The following PACRG variants were observed in gnomAD, a reference collection of about 807,000 sequenced individuals.
PACRG encodes the protein parkin coregulated gene protein.
PACRG carries 29 observed loss-of-function variants against 29.7 expected under a neutral mutation model. That is an observed-to-expected ratio of 0.98 (90% CI 0.73 to 1.33). The LOEUF is 1.33. PACRG is among the 40% of genes most tolerant of loss of function. The probability of loss-of-function intolerance (pLI) is 0.00; values close to 1 mark genes in which losing one functional copy is unlikely to be tolerated. For synonymous variants in PACRG, 116 were observed against 118.7 expected, an observed-to-expected ratio of 0.98 and a Z score of 0.15; for missense variants, 279 against 316.2, an observed-to-expected ratio of 0.88 and a Z score of 0.89.
intron 4 of PACRG, among the ~76,000 whole-genome samples, chr6:163,126,869 C>T (rs1416520341): frequency 1.2e-4 from 19 of 152,200 alleles, no homozygotes; most frequent in Non-Finnish European, 1.8e-4. Flanking sequence ...GGTGTTGACC[C>T]GAAGGGGAGT....
At chr6:162,995,479 A>G (rs1323126640) in intron 2 of PACRG, among the ~76,000 whole-genome samples, 1 of 152,162 alleles carries the variant, frequency 6.6e-6, no homozygotes, top group African/African-American at 2.4e-5. Context: ...AAAGCGCAGT[A>G]TTCGGGTGGG....
At chr6:162,942,354 A>T (rs970467661) in intron 2 of PACRG, among the ~76,000 whole-genome samples, 5 of 152,154 alleles carry the variant, frequency 3.3e-5, no homozygotes, top group Admixed American at 3.3e-4. Context: ...CAAATAACAA[A>T]GTTTATTAGA....
intron 4 of PACRG, among the ~76,000 whole-genome samples, chr6:163,154,722 A>G (rs529738553): frequency 2.6e-5 from 4 of 152,346 alleles, no homozygotes; most frequent in African/African-American, 9.6e-5. Flanking sequence ...TATTTAAGAC[A>G]TGCTTATACT....
At chr6:162,774,194 G>A (rs1000005591) in intron 1 of PACRG, among the ~76,000 whole-genome samples, 4 of 152,102 alleles carry the variant, frequency 2.6e-5, no homozygotes, top group African/African-American at 4.8e-5. Context: ...TGCCAGATGG[G>A]CCCACCCCAC....
intron 4 of PACRG, among the ~76,000 whole-genome samples, chr6:163,094,068 T>A (rs1814352805): frequency 6.6e-6 from 1 of 152,218 alleles, no homozygotes; most frequent in South Asian, 2.1e-4. Flanking sequence ...TAACCCTCCT[T>A]GATATTCGTG....
chr6:162,874,526 A>G (rs1003040615), intron 2 of PACRG, among the ~76,000 whole-genome samples: 6 of 152,178 alleles, frequency 3.9e-5, no homozygotes, highest in Admixed American at 3.3e-4. Context: ...TCAGCTTCAA[A>G]GCCAGATCTC....
intron 4 of PACRG, among the ~76,000 whole-genome samples, chr6:163,278,443 CTTATA>C (rs1784124021): frequency 6.6e-6 from 1 of 152,120 alleles, no homozygotes; most frequent in Admixed American, 6.6e-5. Context: ...CCAATGTTAT[CTTATA>C]GAGTCTTTAT....
intron 4 of PACRG, among the ~76,000 whole-genome samples, chr6:163,192,436 C>T (rs1480818248): frequency 6.6e-6 from 1 of 152,190 alleles, no homozygotes; most frequent in Non-Finnish European, 1.5e-5. Flanking sequence ...CGGGGACAAG[C>T]TGTATTTTCC....
chr6:163,232,294 G>T (rs1299265133), intron 4 of PACRG, among the ~76,000 whole-genome samples: 1 of 152,158 alleles, frequency 6.6e-6, no homozygotes, highest in African/African-American at 2.4e-5. Context: ...TCCCGCTGGG[G>T]CCTGGCTACT....
chr6:162,877,353 CAT>C (rs1793449104), intron 2 of PACRG, among the ~76,000 whole-genome samples: 1 of 152,114 alleles, frequency 6.6e-6, no homozygotes. Flanking sequence ...CCAAGCACCA[CAT>C]GTTCTCACTC....
chr6:163,263,291 G>A (rs1487761106), intron 4 of PACRG, among the ~76,000 whole-genome samples: 1 of 151,672 alleles, frequency 6.6e-6, no homozygotes, highest in Non-Finnish European at 1.5e-5. Flanking sequence ...ACTTGAACAG[G>A]CTAACTGACC....
At chr6:163,079,158 G>A (rs549110) in intron 3 of PACRG, among the ~76,000 whole-genome samples, 2 of 151,968 alleles carry the variant, frequency 1.3e-5, no homozygotes, top group South Asian at 2.1e-4. Flanking sequence ...CATGGTGCCC[G>A]ATCAAGAATA....
chr6:162,832,095 A>G (rs1404721661), intron 2 of PACRG, among the ~76,000 whole-genome samples: 1 of 152,212 alleles, frequency 6.6e-6, no homozygotes, highest in African/African-American at 2.4e-5. Context: ...TGTCTTCCAC[A>G]ATGGTTGAAC....
intron 2 of PACRG, among the ~76,000 whole-genome samples, chr6:162,960,650 G>A (rs1800534224): frequency 6.6e-6 from 1 of 152,044 alleles, no homozygotes; most frequent in African/African-American, 2.4e-5. Context: ...ACTACCTATT[G>A]GGTACTATGT....
chr6:163,261,837 G>A (rs1338792058), intron 4 of PACRG, among the ~76,000 whole-genome samples: 1 of 152,154 alleles, frequency 6.6e-6, no homozygotes, highest in Non-Finnish European at 1.5e-5. Context: ...GATACCAAAG[G>A]TTGTGCAGGG....
intron 4 of PACRG, among the ~76,000 whole-genome samples, chr6:163,117,699 C>T (rs865909443): frequency 2.0e-5 from 3 of 149,454 alleles, no homozygotes; most frequent in Non-Finnish European, 3.0e-5. Context: ...GGCAGTGAGC[C>T]GAGATTGCAC....
At chr6:163,159,365 TA>T (rs1427555977) in intron 4 of PACRG, among the ~76,000 whole-genome samples, 11 of 149,820 alleles carry the variant, frequency 7.3e-5, no homozygotes, top group African/African-American at 2.7e-4. Flanking sequence ...TATTATAATA[TA>T]AAATTTATTG....
intron 2 of PACRG, among the ~76,000 whole-genome samples, chr6:162,875,279 A>G (rs55720488): frequency 0.21 from 30,652 of 147,512 alleles, 3,164 homozygotes; most frequent in Middle Eastern, 0.25. Context: ...TCATCCACAC[A>G]CATTCACACA....
chr6:162,886,573 T>A (rs1467208876), intron 2 of PACRG, among the ~76,000 whole-genome samples: 1 of 152,154 alleles, frequency 6.6e-6, no homozygotes, highest in Non-Finnish European at 1.5e-5. Flanking sequence ...AGGAATAGAA[T>A]CAGAAAACAT....
Sources: gnomAD v4.1 joint callset for allele counts (sites outside exome capture counted in the v4.1 genomes callset) on GRCh38, gnomAD v4.1.1 for gene constraint, MANE v1.5 for transcripts, NCBI Gene and HGNC (gene_info 2026-07-23, HGNC 2026-07-21) for gene names.